The following DGKG variants were observed in gnomAD, a reference collection of about 807,000 sequenced individuals.
The protein encoded by DGKG is diacylglycerol kinase gamma, also known as DAG kinase gamma.
DGKG carries 78 observed loss-of-function variants against 105.3 expected under a neutral mutation model. The observed-to-expected ratio is 0.74, with a 90% CI of 0.62 to 0.89. The LOEUF (loss-of-function observed/expected upper bound fraction) is 0.89, where lower values mean the gene tolerates loss of function less well. Among genes scored for constraint, DGKG ranks in the 40% least tolerant of loss-of-function variants. The probability of loss-of-function intolerance (pLI) is 0.00; values close to 1 mark genes in which losing one functional copy is unlikely to be tolerated. For synonymous variants in DGKG, 346 were observed against 367.1 expected (o/e 0.94, Z 0.66); for missense variants, 958 against 1,020.1 (o/e 0.94, Z 0.83).
At chr3:186,154,747 A>G (rs1429215029) in intron 24 of DGKG, among the ~76,000 whole-genome samples, 1 of 151,820 alleles carries the variant, frequency 6.6e-6, no homozygotes. Context: ...TTTATTGATG[A>G]GTTGGGAAGT....
At chr3:186,277,170 A>G (rs1369180759) in intron 9 of DGKG, among the ~76,000 whole-genome samples, 1 of 152,266 alleles carries the variant, frequency 6.6e-6, no homozygotes, top group Non-Finnish European at 1.5e-5. Context: ...TTTGACCAAC[A>G]TCTACCTCAA....
chr3:186,172,016 C>A (rs986304259), intron 22 of DGKG, among the ~76,000 whole-genome samples: 1 of 152,048 alleles, frequency 6.6e-6, no homozygotes, highest in Non-Finnish European at 1.5e-5. Flanking sequence ...CCATCATGCC[C>A]AGTTAATTTT....
intron 1 of DGKG, among the ~76,000 whole-genome samples, chr3:186,346,558 G>A (rs1726339922): frequency 6.6e-6 from 1 of 151,836 alleles, no homozygotes; most frequent in Non-Finnish European, 1.5e-5. Flanking sequence ...TTTTGGTCTT[G>A]TTCTCACTGA....
chr3:186,310,265 C>CAAAAAAAAAAAAA lies in DGKG; in HGVS notation c.68-3301_68-3289dup, dbSNP rs1165723037. Among the ~76,000 whole-genome samples, 143 of 33,278 alleles carry CAAAAAAAAAAAAA rather than the reference C, an allele frequency of 4.3e-3. 24 individuals carry two copies. Among genetic ancestry groups the CAAAAAAAAAAAAA allele is most frequent in the African/African-American group, 0.011 (126 of 11,094 alleles). 21.8% of individuals were successfully genotyped at this position (33,278 alleles called of 152,430 possible). A position where few individuals can be genotyped will look rare whatever the true frequency, so the allele number is the denominator to read the frequency against. On this transcript the variant is annotated intron_variant, in intron 2 of 24. Coordinates refer to ENST00000265022, the MANE Select transcript of DGKG (RefSeq NM_001346.3). ...CTGGCAACAAAGCAAGACTCCGTCT[C>CAAAAAAAAAAAAA]AAAAAAAAAAAAAAAAAAAAAAAAC...
chr3:186,217,170 G>A (rs1302565887), intron 20 of DGKG, among the ~76,000 whole-genome samples: 2 of 152,156 alleles, frequency 1.3e-5, no homozygotes, highest in African/African-American at 2.4e-5. Context: ...TCTATCGTAG[G>A]TGGCCCATAT....
chr3:186,313,392 A>T (rs1472488948), intron 2 of DGKG: 4 of 673,680 alleles, frequency 5.9e-6, no homozygotes, highest in African/African-American at 3.9e-5. Context: ...TTAAGACACA[A>T]TTTTTTTGTC....
intron 2 of DGKG, among the ~76,000 whole-genome samples, chr3:186,314,218 CACACACAT>C (rs1245744408): frequency 2.4e-5 from 3 of 126,680 alleles, no homozygotes; most frequent in Middle Eastern, 4.2e-3. Flanking sequence ...CACACACACA[CACACACAT>C]TAATGTATGT....
At chr3:186,303,876 T>C (rs886387407) in intron 3 of DGKG, among the ~76,000 whole-genome samples, 1 of 152,220 alleles carries the variant, frequency 6.6e-6, no homozygotes, top group Admixed American at 6.5e-5. Flanking sequence ...TCGTTTCTCA[T>C]TGAGACATTT....
chr3:186,165,703 T>A (rs908935797), intron 22 of DGKG, among the ~76,000 whole-genome samples: 1 of 152,138 alleles, frequency 6.6e-6, no homozygotes, highest in Non-Finnish European at 1.5e-5. Flanking sequence ...TCTCCCACAG[T>A]GGGATTTGCT....
chr3:186,345,926 G>A (rs1304555547), intron 1 of DGKG, among the ~76,000 whole-genome samples: 3 of 152,020 alleles, frequency 2.0e-5, no homozygotes, highest in African/African-American at 2.4e-5. Flanking sequence ...CCGCCACCAC[G>A]CCTGGCTAAT....
intron 20 of DGKG, 55 bp downstream of exon 20, chr3:186,242,449 T>C: frequency 6.7e-7 from 1 of 1,488,450 alleles, no homozygotes; most frequent in South Asian, 1.3e-5. Context: ...GAAAGGCCTC[T>C]GTTCCGCCAG....
At chr3:186,309,243 G>C (rs1057240124) in intron 2 of DGKG, among the ~76,000 whole-genome samples, 1 of 151,948 alleles carries the variant, frequency 6.6e-6, no homozygotes, top group Admixed American at 6.5e-5. Flanking sequence ...GTTTATAAAG[G>C]CAGATATGAA....
At chr3:186,299,020 C>T (rs1435217559) in intron 3 of DGKG, among the ~76,000 whole-genome samples, 11 of 152,190 alleles carry the variant, frequency 7.2e-5, no homozygotes, top group Non-Finnish European at 1.2e-4. Flanking sequence ...CTCCCAGTAC[C>T]GCCTGGCTTC....
chr3:186,328,551 C>T (rs1241231702), intron 1 of DGKG, among the ~76,000 whole-genome samples: 1 of 151,292 alleles, frequency 6.6e-6, no homozygotes, highest in Non-Finnish European at 1.5e-5. Flanking sequence ...TGCTTGAATT[C>T]ACAGTGGAAA....
At chr3:186,158,113 G>C (rs1417964917) in intron 24 of DGKG, 1 of 598,504 alleles carries the variant, frequency 1.7e-6, no homozygotes, top group Non-Finnish European at 2.1e-6. Context: ...TAAAAATTAG[G>C]TTTTCAAACA....
At chr3:186,246,430 G>C (rs1720942577) in intron 19 of DGKG, among the ~76,000 whole-genome samples, 1 of 152,068 alleles carries the variant, frequency 6.6e-6, no homozygotes, top group South Asian at 2.1e-4. Context: ...TCTTAATTAA[G>C]ACAAGCCCCA....
chr3:186,286,313 C>T (rs1313751955), intron 6 of DGKG, among the ~76,000 whole-genome samples: 4 of 152,194 alleles, frequency 2.6e-5, no homozygotes, highest in Non-Finnish European at 5.9e-5. Context: ...GAGGACAGAC[C>T]TTTTCTGCTA....
chr3:186,295,285 G>A (rs151247566), intron 5 of DGKG, among the ~76,000 whole-genome samples: 40 of 152,162 alleles, frequency 2.6e-4, no homozygotes, highest in African/African-American at 9.4e-4. Context: ...GGCAGATCAC[G>A]AGGTCAGGAG....
intron 20 of DGKG, among the ~76,000 whole-genome samples, chr3:186,235,711 A>G (rs1430209643): frequency 6.6e-6 from 1 of 152,092 alleles, no homozygotes. Context: ...GTGTGACTTG[A>G]GCTTTGTCGG....
Sources: allele counts gnomAD v4.1 joint callset (sites outside exome capture counted in the v4.1 genomes callset), GRCh38; gene constraint gnomAD v4.1.1; transcripts MANE v1.5; gene names NCBI Gene and HGNC (gene_info 2026-07-23, HGNC 2026-07-21).